The following PPFIA2 variants were observed in gnomAD, a reference collection of about 807,000 sequenced individuals.
PPFIA2 encodes PPFI scaffold protein A2, also known as liprin-alpha-2.
PPFIA2 carries 46 observed loss-of-function variants against 175.5 expected under a neutral mutation model. The ratio of observed to expected loss-of-function variants is 0.26; its 90% CI spans 0.21 to 0.34. The LOEUF is 0.34. Among genes scored for constraint, PPFIA2 ranks in the 10% least tolerant of loss-of-function variants. The pLI is 1.00. For missense variants in PPFIA2, 1,179 were observed against 1,506.1 expected (o/e 0.78, Z 3.60); for synonymous variants, 568 against 511.4 (o/e 1.11, Z -1.49).
At chr12:81,310,220 A>T (rs766569363) in intron 22 of PPFIA2, among the ~76,000 whole-genome samples, 1 of 152,114 alleles carries the variant, frequency 6.6e-6, no homozygotes, top group Non-Finnish European at 1.5e-5. Context: ...CCATGTAGCA[A>T]GTAAGTGGGG....
At chr12:81,639,474 C>T (rs958494537) in intron 4 of PPFIA2, among the ~76,000 whole-genome samples, 2 of 152,024 alleles carry the variant, frequency 1.3e-5, no homozygotes, top group Non-Finnish European at 2.9e-5. Context: ...CTTCCCACCT[C>T]CAGCATGACT....
At chr12:81,641,671 G>C (rs2064990723) in intron 4 of PPFIA2, among the ~76,000 whole-genome samples, 1 of 152,088 alleles carries the variant, frequency 6.6e-6, no homozygotes, top group Non-Finnish European at 1.5e-5. Context: ...TCCTTGATCT[G>C]ACAACTGACC....
chr12:81,474,416 C>A (rs1046708359), intron 4 of PPFIA2, among the ~76,000 whole-genome samples: 1 of 152,158 alleles, frequency 6.6e-6, no homozygotes, highest in African/African-American at 2.4e-5. Flanking sequence ...CTCAGCCTCC[C>A]AAACTGCTGG....
At chr12:81,573,021 G>A (rs2072851513) in intron 4 of PPFIA2, among the ~76,000 whole-genome samples, 1 of 151,966 alleles carries the variant, frequency 6.6e-6, no homozygotes, top group African/African-American at 2.4e-5. Flanking sequence ...TTGAGAGAGA[G>A]AGAGAGAGAG....
In PPFIA2 at chr12:81,659,663, T is replaced by G. The variant is rs182209315; in HGVS notation, c.303+17128A>C. 2.6e-5 allele frequency among the ~76,000 whole-genome samples: 4 copies of G among 152,200 alleles called. No individual in the cohort carries two copies. The East Asian group carries it at 7.8e-4, about 30-fold the overall frequency. ...AGCCAAACAAAAGGCAGCAGAAACC[T>G]CTGCAGACTTTAATGTCCCTGTCTG... is the stretch of plus-strand genomic sequence containing the variant. On this transcript the variant is annotated intron_variant, in intron 4 of 32. Transcript: ENST00000549396.
chr12:81,658,398 AAC>A (rs2068148000), intron 4 of PPFIA2, among the ~76,000 whole-genome samples: 1 of 152,150 alleles, frequency 6.6e-6, no homozygotes, highest in Non-Finnish European at 1.5e-5. Context: ...CTAAGTGTAC[AAC>A]AGACATTACT....
At chr12:81,439,936 T>C (rs1285859772) in intron 7 of PPFIA2, 36 bp downstream of exon 7, 5 of 1,532,716 alleles carry the variant, frequency 3.3e-6, no homozygotes, top group Middle Eastern at 1.7e-4. Flanking sequence ...GTCAGCGATA[T>C]TGCACCTCAA....
intron 22 of PPFIA2, among the ~76,000 whole-genome samples, chr12:81,319,821 C>A (rs2053259005): frequency 6.6e-6 from 1 of 151,844 alleles, no homozygotes; most frequent in South Asian, 2.1e-4. Flanking sequence ...TGTGAGATAT[C>A]CTGGCTCTGT....
chr12:81,484,949 T>C (rs2058659061), intron 4 of PPFIA2, among the ~76,000 whole-genome samples: 1 of 151,794 alleles, frequency 6.6e-6, no homozygotes, highest in African/African-American at 2.4e-5. Flanking sequence ...AAATTAACAA[T>C]ATAATATATA....
At chr12:81,714,276 C>CA (rs1347658122) in intron 3 of PPFIA2, among the ~76,000 whole-genome samples, 7 of 150,928 alleles carry the variant, frequency 4.6e-5, no homozygotes, top group African/African-American at 1.7e-4. Context: ...TGATTAAGTG[C>CA]TGGCTGATAT....
intron 7 of PPFIA2, chr12:81,425,040 A>G (rs1213021092): frequency 2.6e-5 from 4 of 152,198 alleles, no homozygotes; most frequent in South Asian, 2.1e-4. Flanking sequence ...TTTACTAACT[A>G]TGTAATTCAG....
At chr12:81,339,432 G>C in intron 20 of PPFIA2, 98 bp from the exon 21 acceptor site, 2 of 978,464 alleles carry the variant, frequency 2.0e-6, no homozygotes, top group African/African-American at 1.7e-5. Context: ...AAGCAGACTT[G>C]TAATGTTGTT....
chr12:81,338,189 A>C (rs2057423548), intron 21 of PPFIA2, among the ~76,000 whole-genome samples: 1 of 152,118 alleles, frequency 6.6e-6, no homozygotes, highest in Non-Finnish European at 1.5e-5. Flanking sequence ...TATTCCTTGC[A>C]AATAATTATT....
At chr12:81,466,153 T>G (rs987038517) in intron 4 of PPFIA2, among the ~76,000 whole-genome samples, 1 of 152,114 alleles carries the variant, frequency 6.6e-6, no homozygotes, top group Admixed American at 6.6e-5. Flanking sequence ...ACAAAAATCA[T>G]TGGGTAAGAT....
chr12:81,743,154 C>G (rs1479372290), intron 3 of PPFIA2, among the ~76,000 whole-genome samples: 1 of 152,038 alleles, frequency 6.6e-6, no homozygotes, highest in Non-Finnish European at 1.5e-5. Flanking sequence ...CATGGTGGCT[C>G]ACGCCTGTAA....
chr12:81,720,853 A>T (rs1160726157), intron 3 of PPFIA2, among the ~76,000 whole-genome samples: 2 of 151,304 alleles, frequency 1.3e-5, no homozygotes, highest in African/African-American at 4.8e-5. Flanking sequence ...AGTTAGCCAG[A>T]ATCAACTTTT....
At chr12:81,571,608 T>C (rs2072561495) in intron 4 of PPFIA2, among the ~76,000 whole-genome samples, 1 of 152,092 alleles carries the variant, frequency 6.6e-6, no homozygotes, top group Non-Finnish European at 1.5e-5. Flanking sequence ...GGTCAACTGG[T>C]TAATATGCAT....
At chr12:81,460,704 T>G (rs2054373753) in intron 4 of PPFIA2, among the ~76,000 whole-genome samples, 1 of 152,232 alleles carries the variant, frequency 6.6e-6, no homozygotes, top group Admixed American at 6.6e-5. Flanking sequence ...GAGGCTTACA[T>G]CATCTTACAA....
chr12:81,442,828 A>C (rs1174651029), intron 6 of PPFIA2, among the ~76,000 whole-genome samples: 2 of 97,244 alleles, frequency 2.1e-5, no homozygotes, highest in South Asian at 7.5e-4. Context: ...GGCATGGTTA[A>C]TTGCATCTTT....
Sources: gnomAD v4.1 joint callset for allele counts (sites outside exome capture counted in the v4.1 genomes callset) on GRCh38, gnomAD v4.1.1 for gene constraint, MANE v1.5 for transcripts, NCBI Gene and HGNC (gene_info 2026-07-23, HGNC 2026-07-21) for gene names.